The following PIGL variants were observed in gnomAD, a reference collection of about 807,000 sequenced individuals.
PIGL encodes N-acetylglucosaminyl-phosphatidylinositol de-N-acetylase.
Under a neutral mutation model 31.1 loss-of-function variants are expected in PIGL, and 22 were observed. That is an observed-to-expected ratio of 0.71 (90% CI 0.51 to 1.01). The LOEUF (loss-of-function observed/expected upper bound fraction) is 1.01. Ranked by LOEUF, PIGL falls within the 50% of genes least tolerant of loss-of-function variation. PIGL has a pLI of 0.00. For synonymous variants in PIGL, 131 were observed against 117.4 expected (o/e 1.12, Z -0.75); for missense variants, 302 against 315.9 (o/e 0.96, Z 0.33).
rs377680838 is a variant in PIGL at position 16,278,951 on chromosome 17, A to G, written c.336-20937A>G. ...TACACAGACAGGCAGAATAATATTC[A>G]GTAGTTGTTAAGATTTTTCATTTGC... On this transcript the variant is annotated intron_variant, in intron 2 of 6. Coordinates refer to ENST00000225609, the MANE Select transcript of PIGL (RefSeq NM_004278.4). Among the ~76,000 whole-genome samples the G allele has an allele frequency of 8.9e-4, 136 of 152,324 alleles. 4 individuals carry two copies. The South Asian group carries it at 0.028, about 31-fold the overall frequency.
intron 2 of PIGL, among the ~76,000 whole-genome samples, chr17:16,283,417 G>A (rs997109270): frequency 3.3e-5 from 5 of 152,084 alleles, no homozygotes; most frequent in Non-Finnish European, 7.4e-5. Flanking sequence ...GCAGTGAGCT[G>A]TGTTTGCACC....
At chr17:16,286,570 C>A (rs187466737) in intron 2 of PIGL, among the ~76,000 whole-genome samples, 2 of 152,244 alleles carry the variant, frequency 1.3e-5, no homozygotes, top group East Asian at 3.9e-4. Context: ...TTTTAATGAA[C>A]GCTTTTAGCC....
intron 2 of PIGL, among the ~76,000 whole-genome samples, chr17:16,275,901 G>A (rs1445875008): frequency 6.6e-6 from 1 of 152,110 alleles, no homozygotes; most frequent in Admixed American, 6.5e-5. Context: ...GTGGGTGCCT[G>A]TAATCACAGC....
intron 2 of PIGL, among the ~76,000 whole-genome samples, chr17:16,234,391 G>A (rs934731963): frequency 3.9e-5 from 6 of 152,116 alleles, no homozygotes; most frequent in Admixed American, 6.6e-5. Flanking sequence ...AGGTTGCAGT[G>A]AGCTGAGATC....
At chr17:16,321,140 G>A (rs371750882) in intron 6 of PIGL, among the ~76,000 whole-genome samples, 1 of 146,688 alleles carries the variant, frequency 6.8e-6, no homozygotes, top group Non-Finnish European at 1.5e-5. Context: ...GTTTCACCAT[G>A]TTGGCCAGGT....
intron 1 of PIGL, among the ~76,000 whole-genome samples, chr17:16,224,563 C>T (rs915502333): frequency 1.3e-5 from 2 of 152,076 alleles, no homozygotes; most frequent in African/African-American, 4.8e-5. Context: ...CCTTCTTGGC[C>T]TCCCAAAGTG....
chr17:16,237,920 G>A (rs911123979), intron 2 of PIGL, among the ~76,000 whole-genome samples: 6 of 151,782 alleles, frequency 4.0e-5, no homozygotes, highest in Admixed American at 6.6e-5. Flanking sequence ...TTTCAGGGCC[G>A]GGCGCATTGG....
At chr17:16,223,696 A>G (rs1478456054) in intron 1 of PIGL, among the ~76,000 whole-genome samples, 1 of 151,944 alleles carries the variant, frequency 6.6e-6, no homozygotes, top group Non-Finnish European at 1.5e-5. Flanking sequence ...CCTGGTCAAC[A>G]TAGTGAGACC....
intron 2 of PIGL, among the ~76,000 whole-genome samples, chr17:16,264,507 T>C (rs2092833357): frequency 6.6e-6 from 1 of 152,074 alleles, no homozygotes; most frequent in Non-Finnish European, 1.5e-5. Flanking sequence ...ACTGCCTAGC[T>C]CTTTGAAATG....
rs141146626 is a variant in PIGL, at chr17:16,272,877, C to T, written c.336-27011C>T. Among the ~76,000 whole-genome samples the T allele has an allele frequency of 2.8e-3, 430 of 152,266 alleles. 3 individuals carry two copies. Among genetic ancestry groups the T allele is most frequent in the African/African-American group, 9.6e-3 (397 of 41,564 alleles). ...CATCTGCCTGGTCCTCTATGATTCT[C>T]AGTGTTCGATGCACACTCTGTAGTT... is the stretch of plus-strand genomic sequence containing the variant. On this transcript the variant is annotated intron_variant, in intron 2 of 6. Coordinates refer to ENST00000225609, the MANE Select transcript of PIGL (RefSeq NM_004278.4).
At chr17:16,266,178 G>C (rs1335042180) in intron 2 of PIGL, among the ~76,000 whole-genome samples, 2 of 151,906 alleles carry the variant, frequency 1.3e-5, no homozygotes, top group Non-Finnish European at 2.9e-5. Context: ...ACTTTGGGAG[G>C]CTGAGGCAGG....
intron 1 of PIGL, 40 bp from the exon 2 acceptor site, chr17:16,233,931 A>T (rs756236482): frequency 2.4e-5 from 8 of 333,918 alleles, no homozygotes; most frequent in African/African-American, 2.9e-5. Flanking sequence ...CTCCACTGTT[A>T]AAAAAAAAAA....
In PIGL at chr17:16,237,387, C is replaced by T. The variant is rs151038717; in HGVS notation, c.335+3317C>T. Among the ~76,000 whole-genome samples, 1,077 of 151,120 alleles carry T rather than the reference C, an allele frequency of 7.1e-3. 22 individuals are homozygous for T. The highest frequency in any genetic ancestry group is 0.024 in the African/African-American group (1,005 of 41,210). On this transcript the variant is annotated intron_variant, in intron 2 of 6. Coordinates refer to ENST00000225609, the MANE Select transcript of PIGL (RefSeq NM_004278.4). ...CCTCCCAAAGTGCTGGGATTACAGACGTGAGCCACTGCGCCTGGCCTATTT... is the reference window on the plus strand; with the variant it reads ...CCTCCCAAAGTGCTGGGATTACAGATGTGAGCCACTGCGCCTGGCCTATTT...
intron 5 of PIGL, 110 bp from the exon 6 acceptor site, chr17:16,317,665 G>A: frequency 1.3e-6 from 2 of 1,542,146 alleles, no homozygotes; most frequent in Non-Finnish European, 1.7e-6. Context: ...CAATGCTGTG[G>A]CCACTGTCCT....
At chr17:16,294,989 C>A (rs1201216800) in intron 2 of PIGL, among the ~76,000 whole-genome samples, 4 of 152,310 alleles carry the variant, frequency 2.6e-5, no homozygotes, top group East Asian at 3.9e-4. Context: ...TCTTCCCATA[C>A]AGTGGGTAAA....
chr17:16,244,573 T>A (rs932212236), intron 2 of PIGL, among the ~76,000 whole-genome samples: 1 of 152,250 alleles, frequency 6.6e-6, no homozygotes, highest in African/African-American at 2.4e-5. Flanking sequence ...ATCTTTACTC[T>A]GATAGAAAGC....
At chr17:16,287,781 T>A (rs2092944245) in intron 2 of PIGL, among the ~76,000 whole-genome samples, 1 of 152,228 alleles carries the variant, frequency 6.6e-6, no homozygotes, top group Admixed American at 6.5e-5. Flanking sequence ...GTGTTATCTT[T>A]AGCATATTTC....
At chr17:16,285,907 A>G (rs1261594955) in intron 2 of PIGL, among the ~76,000 whole-genome samples, 2 of 152,148 alleles carry the variant, frequency 1.3e-5, no homozygotes, top group Admixed American at 1.3e-4. Context: ...TCATTTCTTC[A>G]CACTCCTGTA....
intron 2 of PIGL, among the ~76,000 whole-genome samples, chr17:16,260,404 T>C (rs972708346): frequency 1.3e-5 from 2 of 152,154 alleles, no homozygotes; most frequent in East Asian, 1.9e-4. Context: ...TCCTCCCCTC[T>C]GAAGCCCATA....
Sources: allele counts gnomAD v4.1 joint callset (sites outside exome capture counted in the v4.1 genomes callset), GRCh38; gene constraint gnomAD v4.1.1; transcripts MANE v1.5; gene names NCBI Gene and HGNC (gene_info 2026-07-23, HGNC 2026-07-21).